The following LIMS1 variants were observed in gnomAD, a reference collection of about 807,000 sequenced individuals.
LIMS1 encodes the protein LIM and senescent cell antigen-like-containing domain protein 1.
A neutral mutation model predicts 44.1 loss-of-function variants in LIMS1; 18 were observed. That is an observed-to-expected ratio of 0.41 (90% CI 0.28 to 0.61). LIMS1 has a LOEUF of 0.61. LIMS1 is among the 20% of genes least tolerant of loss of function. The pLI is 0.32. For synonymous variants in LIMS1, 93 were observed against 149.1 expected (o/e 0.62, Z 2.74); for missense variants, 201 against 422.0 (o/e 0.48, Z 4.59).
chr2:108,653,500 G>A (rs1357671426), intron 1 of LIMS1, among the ~76,000 whole-genome samples: 1 of 151,492 alleles, frequency 6.6e-6, no homozygotes, highest in Non-Finnish European at 1.5e-5. Flanking sequence ...CTGTTCTGTA[G>A]ATTTTATTTC....
At chr2:108,615,191 T>C (rs1033255012) in intron 1 of LIMS1, among the ~76,000 whole-genome samples, 1 of 152,146 alleles carries the variant, frequency 6.6e-6, no homozygotes, top group African/African-American at 2.4e-5. Flanking sequence ...TATGGGAAAA[T>C]CTGGATTTGT....
chr2:108,665,996 A>T (rs1002418336), intron 2 of LIMS1, among the ~76,000 whole-genome samples: 28 of 146,788 alleles, frequency 1.9e-4, no homozygotes, highest in African/African-American at 6.8e-4. Flanking sequence ...CACCACAACA[A>T]TCAACACAAG....
At chr2:108,647,024 G>A (rs922586243) in intron 1 of LIMS1, among the ~76,000 whole-genome samples, 10 of 152,110 alleles carry the variant, frequency 6.6e-5, no homozygotes, top group Non-Finnish European at 1.0e-4. Flanking sequence ...CCCGGCCCAG[G>A]AGCTGGTTTT....
At chr2:108,635,327 C>A (rs529022727) in intron 1 of LIMS1, among the ~76,000 whole-genome samples, 1 of 150,182 alleles carries the variant, frequency 6.7e-6, no homozygotes, top group Admixed American at 6.7e-5. Flanking sequence ...ACTCAGGGGG[C>A]CAAAGCAGGA....
At chr2:108,580,795 G>GA (rs1417231460) in intron 1 of LIMS1, among the ~76,000 whole-genome samples, 1 of 152,196 alleles carries the variant, frequency 6.6e-6, no homozygotes, top group Non-Finnish European at 1.5e-5. Flanking sequence ...CCCTTGCATG[G>GA]AGGAGAGAGA....
intron 2 of LIMS1, among the ~76,000 whole-genome samples, chr2:108,661,189 C>T (rs1383847457): frequency 7.1e-6 from 1 of 141,278 alleles, no homozygotes; most frequent in African/African-American, 2.7e-5. Flanking sequence ...AACTTGGAAA[C>T]AGCTTTAAGG....
intron 1 of LIMS1, among the ~76,000 whole-genome samples, chr2:108,658,653 A>C (rs1352213920): frequency 6.6e-6 from 1 of 152,144 alleles, no homozygotes; most frequent in African/African-American, 2.4e-5. Context: ...CAAACTGCAC[A>C]GTGGTTAGAG....
intron 5 of LIMS1, 74 bp from the exon 6 acceptor site, chr2:108,675,804 A>G: frequency 6.4e-7 from 1 of 1,573,448 alleles, no homozygotes; most frequent in Non-Finnish European, 8.7e-7. Context: ...AAAACCTTCT[A>G]AAAAGTGTGC....
intron 1 of LIMS1, among the ~76,000 whole-genome samples, chr2:108,613,581 T>C (rs918807465): frequency 2.0e-5 from 3 of 152,136 alleles, no homozygotes; most frequent in Non-Finnish European, 2.9e-5. Context: ...GTCTGTTCCA[T>C]GGACTGCCAT....
At chr2:108,586,709 T>G (rs1296275552) in intron 1 of LIMS1, among the ~76,000 whole-genome samples, 1 of 152,192 alleles carries the variant, frequency 6.6e-6, no homozygotes, top group Non-Finnish European at 1.5e-5. Context: ...AGATTTTAAC[T>G]GCAGCATCAC....
At chr2:108,577,218 C>G (rs991015577) in intron 1 of LIMS1, among the ~76,000 whole-genome samples, 4 of 152,244 alleles carry the variant, frequency 2.6e-5, no homozygotes, top group African/African-American at 9.6e-5. Flanking sequence ...TAAGTCAGTG[C>G]TCTTTCAAGT....
At chr2:108,539,354 G>A (rs1484822795) in intron 1 of LIMS1, among the ~76,000 whole-genome samples, 4 of 152,276 alleles carry the variant, frequency 2.6e-5, no homozygotes, top group Admixed American at 6.5e-5. Flanking sequence ...CAAAGTTCTG[G>A]GATTACAGGC....
chr2:108,564,415 G>A (rs1375802567), intron 1 of LIMS1, among the ~76,000 whole-genome samples: 2 of 152,138 alleles, frequency 1.3e-5, no homozygotes, highest in Admixed American at 6.6e-5. Flanking sequence ...CATTGTGGTG[G>A]TCTGAAACTG....
chr2:108,649,605 A>T (rs1229271933), intron 1 of LIMS1, among the ~76,000 whole-genome samples: 2 of 152,248 alleles, frequency 1.3e-5, no homozygotes, highest in Admixed American at 6.5e-5. Context: ...GGATAAAGAA[A>T]ATGTAGCATA....
At chr2:108,593,724 A>G (rs1325806733) in intron 1 of LIMS1, among the ~76,000 whole-genome samples, 1 of 152,226 alleles carries the variant, frequency 6.6e-6, no homozygotes, top group African/African-American at 2.4e-5. Flanking sequence ...CTGGGAAGAA[A>G]TCATAAAGTG....
At chr2:108,576,129 G>C (rs1685663641) in intron 1 of LIMS1, among the ~76,000 whole-genome samples, 1 of 152,182 alleles carries the variant, frequency 6.6e-6, no homozygotes. Context: ...ATTTATGTAT[G>C]TGAAAATAAC....
At chr2:108,597,012 G>A (rs1452615475) in intron 1 of LIMS1, among the ~76,000 whole-genome samples, 3 of 135,716 alleles carry the variant, frequency 2.2e-5, no homozygotes, top group Admixed American at 8.3e-5. Context: ...GGGTTCAAAC[G>A]ATTCTCCTGC....
rs370005450 is a variant in LIMS1, at chr2:108,632,252, T to C, written c.33-27353T>C. ...TCCCAAAGTGCTGGAATTACAGGCTTGAGTCACCGTGCCCAGCTGATACTT... is the reference window on the plus strand; with the variant it reads ...TCCCAAAGTGCTGGAATTACAGGCTCGAGTCACCGTGCCCAGCTGATACTT... On this transcript the variant is annotated intron_variant, in intron 1 of 9. Coordinates refer to ENST00000544547, the Ensembl canonical transcript of LIMS1. Among the ~76,000 whole-genome samples, 7 of 152,348 alleles carry C rather than the reference T, an allele frequency of 4.6e-5. No individual in the cohort carries two copies. In the East Asian group the frequency reaches 1.3e-3, roughly 29 times the overall value.
At position 108,551,825 on chromosome 2, in the gene LIMS1, CATAT is replaced by C. The variant is rs376815107; in HGVS notation, c.32+17235_32+17238del. ...ATATATGTATATGATATACAATATA[CATAT>C]ATACACATATACTGTATATATACTA... On this transcript the variant is annotated intron_variant, in intron 1 of 9. Transcript: ENST00000544547. Among the ~76,000 whole-genome samples, 1,089 of 143,072 alleles carry C rather than the reference CATAT, an allele frequency of 7.6e-3. 7 individuals are homozygous for C. The highest frequency in any genetic ancestry group is 0.012 in the Non-Finnish European group (817 of 66,286). The allele number at this position is 143,072 out of a possible 152,430, so 93.9% of individuals were successfully genotyped here.
Sources: allele counts gnomAD v4.1 joint callset (sites outside exome capture counted in the v4.1 genomes callset), GRCh38; gene constraint gnomAD v4.1.1; transcripts MANE v1.5; gene names NCBI Gene and HGNC (gene_info 2026-07-23, HGNC 2026-07-21).